Variants in LMNTD1 observed in about 807,000 individuals in gnomAD.
The protein encoded by LMNTD1 is lamin tail domain-containing protein 1.
A neutral mutation model predicts 50.9 loss-of-function variants in LMNTD1; 35 were observed. The ratio of observed to expected loss-of-function variants is 0.69; its 90% CI spans 0.53 to 0.91. LMNTD1 has a LOEUF of 0.91. Among genes scored for constraint, LMNTD1 ranks in the 40% least tolerant of loss-of-function variants. The pLI, the probability that LMNTD1 is intolerant of heterozygous loss-of-function variation, is 0.00. For missense variants in LMNTD1, 470 were observed against 475.5 expected, an observed-to-expected ratio of 0.99 and a Z score of 0.11; for synonymous variants, 153 against 161.9, an observed-to-expected ratio of 0.94 and a Z score of 0.42.
At chr12:25,647,259 G>T (rs1213591217) in intron 1 of LMNTD1, among the ~76,000 whole-genome samples, 1 of 152,190 alleles carries the variant, frequency 6.6e-6, no homozygotes, top group African/African-American at 2.4e-5. Context: ...AAGGCAGGTG[G>T]ATTGCTTTGA....
intron 1 of LMNTD1, among the ~76,000 whole-genome samples, chr12:25,611,202 A>G (rs1265756095): frequency 6.6e-6 from 1 of 152,338 alleles, no homozygotes; most frequent in Non-Finnish European, 1.5e-5. Context: ...ATGTTATTAA[A>G]GGGCAATTTT....
intron 4 of LMNTD1, among the ~76,000 whole-genome samples, chr12:25,537,815 A>G (rs1942723664): frequency 6.6e-6 from 1 of 151,872 alleles, no homozygotes; most frequent in Admixed American, 6.6e-5. Context: ...AAAGAAGTTG[A>G]AAACTTTGAA....
intron 3 of LMNTD1, among the ~76,000 whole-genome samples, chr12:25,549,031 C>A (rs139428082): frequency 8.2e-4 from 124 of 152,066 alleles, no homozygotes; most frequent in African/African-American, 2.8e-3. Context: ...ATTTTTAATT[C>A]TCTAGCAATT....
In LMNTD1 at chr12:25,532,493, C is replaced by T. The variant is rs116944183; in HGVS notation, c.492-5538G>A. Among the ~76,000 whole-genome samples the T allele has an allele frequency of 6.4e-3, 974 of 152,156 alleles. 3 individuals are homozygous for T. The highest frequency in any genetic ancestry group is 7.9e-3 in the South Asian group (38 of 4,812). ...CTCTAACTTCTCAGTCTCTTAGTTGCGGCTTTCAAAATTGGCAGCTGTTTT... is the reference window on the plus strand; with the variant it reads ...CTCTAACTTCTCAGTCTCTTAGTTGTGGCTTTCAAAATTGGCAGCTGTTTT... On this transcript the variant is annotated intron_variant, in intron 4 of 9. Transcript: ENST00000458174.
At chr12:25,503,696 A>T in intron 9 of LMNTD1, 42 bp downstream of exon 9, 1 of 1,028,884 alleles carries the variant, frequency 9.7e-7, no homozygotes, top group African/African-American at 1.6e-5. Flanking sequence ...TAGTCATATT[A>T]TTTTTCTGTG....
intron 1 of LMNTD1, among the ~76,000 whole-genome samples, chr12:25,579,957 T>C (rs975058720): frequency 1.7e-4 from 26 of 152,152 alleles, no homozygotes; most frequent in African/African-American, 6.0e-4. Flanking sequence ...GGTTCTCTGA[T>C]ACCCAGAGAA....
At chr12:25,568,954 C>A (rs1194759549) in intron 1 of LMNTD1, among the ~76,000 whole-genome samples, 1 of 152,210 alleles carries the variant, frequency 6.6e-6, no homozygotes, top group African/African-American at 2.4e-5. Context: ...AGGGCAACAC[C>A]AAGGGGAAAT....
At chr12:25,636,732 CA>C (rs1946844083) in intron 1 of LMNTD1, among the ~76,000 whole-genome samples, 1 of 152,130 alleles carries the variant, frequency 6.6e-6, no homozygotes, top group Admixed American at 6.5e-5. Context: ...GGAACCAACT[CA>C]AATGCCCATC....
intron 8 of LMNTD1, among the ~76,000 whole-genome samples, chr12:25,506,534 T>C (rs1939796071): frequency 6.6e-6 from 1 of 152,002 alleles, no homozygotes; most frequent in South Asian, 2.1e-4. Flanking sequence ...GCTGGCAAAA[T>C]TGTCGATAAT....
Position 25,504,717 on chromosome 12 carries a change from T to C in LMNTD1, c.1190-917A>G, listed in dbSNP as rs1019133043. ...TCCAAAGCTGGAAGTGAAAATGTGA[T>C]CTACAAGGAAGATTAACAAAAATGA... On this transcript the variant is annotated intron_variant, in intron 8 of 9. Coordinates refer to ENST00000458174, the MANE Select transcript of LMNTD1 (RefSeq NM_001145728.2). 3.3e-5 allele frequency among the ~76,000 whole-genome samples: 5 copies of C among 152,222 alleles called. No individual in the cohort carries two copies. The South Asian group carries it at 1.0e-3, about 32-fold the overall frequency.
At chr12:25,500,294 G>A (rs1939313628) in intron 9 of LMNTD1, among the ~76,000 whole-genome samples, 1 of 152,114 alleles carries the variant, frequency 6.6e-6, no homozygotes, top group African/African-American at 2.4e-5. Flanking sequence ...CTCTCTGGGG[G>A]TTAAATACCA....
chr12:25,601,980 G>A (rs1432686409), intron 1 of LMNTD1, among the ~76,000 whole-genome samples: 1 of 151,224 alleles, frequency 6.6e-6, no homozygotes, highest in South Asian at 2.1e-4. Context: ...ATAAATTATT[G>A]TTAATTATAA....
intron 1 of LMNTD1, among the ~76,000 whole-genome samples, chr12:25,590,164 AAC>A (rs1318967096): frequency 6.6e-6 from 1 of 152,200 alleles, no homozygotes; most frequent in African/African-American, 2.4e-5. Flanking sequence ...AGGTAGGATA[AAC>A]AGTCTTTAGT....
chr12:25,597,236 C>T (rs185638262), intron 1 of LMNTD1, among the ~76,000 whole-genome samples: 5 of 151,910 alleles, frequency 3.3e-5, no homozygotes, highest in Admixed American at 2.6e-4. Context: ...ACTCTCCAAT[C>T]GAAAGACATA....
At chr12:25,527,679 TATACACAC>T (rs1234416796) in intron 4 of LMNTD1, among the ~76,000 whole-genome samples, 15 of 19,254 alleles carry the variant, frequency 7.8e-4, no homozygotes, top group South Asian at 2.5e-3. Context: ...TATATATATA[TATACACAC>T]ACACACACAC....
At chr12:25,519,586 T>TA (rs781742784) in intron 7 of LMNTD1, among the ~76,000 whole-genome samples, 23,965 of 74,960 alleles carry the variant, frequency 0.32, 5,838 homozygotes, top group Middle Eastern at 0.42. Context: ...AGACTCTGTC[T>TA]CAAAAAAAAA....
At chr12:25,530,865 A>T (rs568692943) in intron 4 of LMNTD1, among the ~76,000 whole-genome samples, 1 of 152,302 alleles carries the variant, frequency 6.6e-6, no homozygotes, top group South Asian at 2.1e-4. Context: ...AGACAGGGAG[A>T]GTAGCCTAGG....
chr12:25,502,095 T>C (rs1352784004), intron 9 of LMNTD1, among the ~76,000 whole-genome samples: 1 of 151,938 alleles, frequency 6.6e-6, no homozygotes, highest in East Asian at 1.9e-4. Context: ...AATGAACAAG[T>C]CTTTTACCGT....
At chr12:25,495,602 T>C (rs1020768148) in intron 9 of LMNTD1, among the ~76,000 whole-genome samples, 1 of 152,164 alleles carries the variant, frequency 6.6e-6, no homozygotes, top group Non-Finnish European at 1.5e-5. Flanking sequence ...CTTTTATTCA[T>C]AGAAACTTAG....
Sources: allele counts gnomAD v4.1 joint callset (sites outside exome capture counted in the v4.1 genomes callset), GRCh38; gene constraint gnomAD v4.1.1; transcripts MANE v1.5; gene names NCBI Gene and HGNC (gene_info 2026-07-23, HGNC 2026-07-21).